Variants in TTC39B observed in about 807,000 individuals in gnomAD.
The protein encoded by TTC39B is tetratricopeptide repeat protein 39B.
In TTC39B, 92 loss-of-function variants were observed where a neutral mutation model predicts 96.6. That is an observed-to-expected ratio of 0.95 (90% CI 0.80 to 1.13). TTC39B has a LOEUF of 1.13. Ranked by LOEUF, TTC39B falls within the 50% of genes most tolerant of loss-of-function variation. The pLI, the probability that TTC39B is intolerant of heterozygous loss-of-function variation, is 0.00. For synonymous variants in TTC39B, 367 were observed against 299.4 expected (o/e 1.23, Z -2.33); for missense variants, 955 against 809.3 (o/e 1.18, Z -2.18).
intron 2 of TTC39B, among the ~76,000 whole-genome samples, chr9:15,250,716 C>T (rs1401394579): frequency 6.6e-6 from 1 of 152,138 alleles, no homozygotes; most frequent in Non-Finnish European, 1.5e-5. Context: ...AATACTAGTT[C>T]AAAGACCCTA....
At chr9:15,276,612 A>G (rs146845299) in intron 1 of TTC39B, among the ~76,000 whole-genome samples, 52 of 152,338 alleles carry the variant, frequency 3.4e-4, no homozygotes, top group Admixed American at 9.8e-4. Flanking sequence ...TCTACTCCCT[A>G]AGTACTACGC....
At chr9:15,188,125 T>A in exon 14 of TTC39B, 1 of 1,599,670 alleles carries the variant, frequency 6.3e-7, no homozygotes, top group Non-Finnish European at 8.5e-7. Context: ...TTGAAATACT[T>A]CTTGTGCCTG....
chr9:15,270,819 G>C (rs547877017), intron 1 of TTC39B, among the ~76,000 whole-genome samples: 91 of 152,038 alleles, frequency 6.0e-4, no homozygotes, highest in African/African-American at 2.1e-3. Context: ...TCACGGGGCA[G>C]AGAGTTTTCT....
chr9:15,305,267 T>C (rs1178688645), intron 1 of TTC39B, among the ~76,000 whole-genome samples: 2 of 152,142 alleles, frequency 1.3e-5, no homozygotes, highest in African/African-American at 4.8e-5. Context: ...ATCTCCCTAA[T>C]CAGACTGAGA....
At chr9:15,217,931 C>A (rs903354585) in intron 3 of TTC39B, among the ~76,000 whole-genome samples, 1 of 152,126 alleles carries the variant, frequency 6.6e-6, no homozygotes, top group Non-Finnish European at 1.5e-5. Context: ...CCAGTATAGC[C>A]AGGTGCGGTG....
chr9:15,300,790 G>A (rs1046524619), intron 1 of TTC39B, among the ~76,000 whole-genome samples: 6 of 148,806 alleles, frequency 4.0e-5, no homozygotes, highest in African/African-American at 1.5e-4. Flanking sequence ...GAACGCTGAG[G>A]CAGGAGAATC....
intron 1 of TTC39B, 81 bp downstream of exon 1, chr9:15,307,003 T>C: frequency 6.4e-7 from 1 of 1,551,312 alleles, no homozygotes; most frequent in Non-Finnish European, 8.7e-7. Flanking sequence ...GCCTCGGCCG[T>C]CCTAGCCGGG....
chr9:15,263,535 G>A (rs1339400392), intron 2 of TTC39B, among the ~76,000 whole-genome samples: 1 of 152,274 alleles, frequency 6.6e-6, no homozygotes, highest in Non-Finnish European at 1.5e-5. Context: ...ATGGCTGTGT[G>A]TAATATTTTC....
chr9:15,182,251 G>T (rs1588850648), intron 17 of TTC39B, 56 bp downstream of exon 17: 1 of 1,106,600 alleles, frequency 9.0e-7, no homozygotes, highest in Admixed American at 2.2e-5. Flanking sequence ...GAAAAGACAG[G>T]AGAGCAGTCA....
Position 15,191,268 on chromosome 9 carries a change from A to C in TTC39B, c.931-13T>G, listed in dbSNP as rs1818842391. ...AAAGGGACAGCATCTGTAAGAAAAA[A>C]ATATACAGTGTACTTATGTGTTAGT... On this transcript the variant is annotated splice_polypyrimidine_tract_variant and intron_variant, in intron 9 of 19. Transcript: ENST00000512701. The C allele has an allele frequency of 6.3e-7, 1 of 1,586,160 alleles. No individual in the cohort carries two copies. Among genetic ancestry groups the C allele is most frequent in the Non-Finnish European group, 8.6e-7 (1 of 1,157,910 alleles).
At position 15,218,168 on chromosome 9, in the gene TTC39B, CA is replaced by C. The variant is rs764511443; in HGVS notation, c.372-3920del. 8.4e-3 allele frequency among the ~76,000 whole-genome samples: 492 copies of C among 58,596 alleles called. 1 individual carries two copies. The highest frequency in any genetic ancestry group is 0.025 in the African/African-American group (406 of 15,970). 38.4% of individuals were successfully genotyped at this position (58,596 alleles called of 152,430 possible). On this transcript the variant is annotated intron_variant, in intron 3 of 19. Transcript: ENST00000512701. ...CTGGCAACAGAGCGAGACTCTGTCT[CA>C]AAAAAAAAAAAAAAAAAAAAGCACT... is the stretch of plus-strand genomic sequence containing the variant.
At chr9:15,298,773 C>T (rs1311456970) in intron 1 of TTC39B, among the ~76,000 whole-genome samples, 1 of 152,088 alleles carries the variant, frequency 6.6e-6, no homozygotes, top group Non-Finnish European at 1.5e-5. Flanking sequence ...TATTATGTCC[C>T]ATTTCTCTGG....
chr9:15,203,954 G>T, intron 6 of TTC39B, 64 bp from the exon 7 acceptor site: 1 of 1,450,748 alleles, frequency 6.9e-7, no homozygotes. Flanking sequence ...GCTCTGTGAT[G>T]TTCAGGAAAG....
chr9:15,222,607 C>G (rs1820907351), intron 3 of TTC39B, among the ~76,000 whole-genome samples: 1 of 152,180 alleles, frequency 6.6e-6, no homozygotes, highest in Admixed American at 6.5e-5. Flanking sequence ...TCCGGAGCAG[C>G]CAGAACTCCC....
intron 8 of TTC39B, among the ~76,000 whole-genome samples, chr9:15,197,972 T>C (rs932574520): frequency 6.6e-6 from 1 of 152,138 alleles, no homozygotes; most frequent in African/African-American, 2.4e-5. Context: ...GCTGACACCC[T>C]CTAAGAAATG....
At chr9:15,193,936 A>G (rs1253081104) in intron 8 of TTC39B, among the ~76,000 whole-genome samples, 2 of 152,210 alleles carry the variant, frequency 1.3e-5, no homozygotes, top group Non-Finnish European at 2.9e-5. Flanking sequence ...GACTAAGGAG[A>G]CATGACAGCT....
chr9:15,220,800 G>T (rs565923272), intron 3 of TTC39B, among the ~76,000 whole-genome samples: 1 of 152,148 alleles, frequency 6.6e-6, no homozygotes, highest in Admixed American at 6.5e-5. Flanking sequence ...TTATTTTGTA[G>T]CATGGCCCTT....
chr9:15,191,498 A>G (rs1044969717), intron 9 of TTC39B, among the ~76,000 whole-genome samples: 2 of 152,224 alleles, frequency 1.3e-5, no homozygotes, highest in East Asian at 3.8e-4. Context: ...TCTCTATAGA[A>G]TACTGGGACC....
At chr9:15,243,692 T>A (rs1235575419) in intron 2 of TTC39B, among the ~76,000 whole-genome samples, 1 of 152,168 alleles carries the variant, frequency 6.6e-6, no homozygotes, top group Non-Finnish European at 1.5e-5. Context: ...GGAGGATCAC[T>A]TGAGCCCAGA....
Sources: gnomAD v4.1 joint callset for allele counts (sites outside exome capture counted in the v4.1 genomes callset) on GRCh38, gnomAD v4.1.1 for gene constraint, MANE v1.5 for transcripts, NCBI Gene and HGNC (gene_info 2026-07-23, HGNC 2026-07-21) for gene names.